Variants in VRK2 observed in about 807,000 individuals in gnomAD.
VRK2 encodes serine/threonine-protein kinase VRK2.
VRK2 carries 60 observed loss-of-function variants against 57.6 expected under a neutral mutation model. The ratio of observed to expected loss-of-function variants is 1.04; its 90% CI spans 0.85 to 1.29. The LOEUF (loss-of-function observed/expected upper bound fraction) is 1.29, where lower values mean the gene tolerates loss of function less well. Ranked by LOEUF, VRK2 falls within the 50% of genes most tolerant of loss-of-function variation. The pLI, the probability that VRK2 is intolerant of heterozygous loss-of-function variation, is 0.00. For missense variants in VRK2, 705 were observed against 588.1 expected (o/e 1.20, Z -2.06); for synonymous variants, 231 against 199.2 (o/e 1.16, Z -1.35).
chr2:58,092,828 G>A (rs1672566066), intron 7 of VRK2, among the ~76,000 whole-genome samples: 1 of 152,018 alleles, frequency 6.6e-6, no homozygotes, highest in African/African-American at 2.4e-5. Context: ...CCGACCCCAT[G>A]ACAGGCCCCG....
intron 12 of VRK2, among the ~76,000 whole-genome samples, chr2:58,149,442 AG>A (rs1682665670): frequency 6.6e-6 from 1 of 151,752 alleles, no homozygotes; most frequent in Non-Finnish European, 1.5e-5. Flanking sequence ...TTTTTTAAAT[AG>A]ATTCTTAGGA....
intron 1 of VRK2, among the ~76,000 whole-genome samples, chr2:57,936,532 T>TTTTTTTTTTTTTTTTTGG (rs1558502214): frequency 8.3e-6 from 1 of 120,386 alleles, no homozygotes; most frequent in African/African-American, 3.7e-5. Flanking sequence ...TGTTTTTTTG[T>TTTTTTTTTTTTTTTTTGG]TTTTTTTTTT....
intron 12 of VRK2, among the ~76,000 whole-genome samples, chr2:58,155,060 T>C (rs1163331767): frequency 6.6e-6 from 1 of 152,192 alleles, no homozygotes; most frequent in East Asian, 1.9e-4. Flanking sequence ...GTCTGCCTGG[T>C]TGAATGTTCC....
intron 7 of VRK2, among the ~76,000 whole-genome samples, chr2:58,117,800 G>A (rs987032987): frequency 6.6e-6 from 1 of 152,098 alleles, no homozygotes; most frequent in Non-Finnish European, 1.5e-5. Context: ...AGTGAAAGTT[G>A]GAGAGGTTTT....
intron 7 of VRK2, among the ~76,000 whole-genome samples, chr2:58,106,492 T>C (rs1012151854): frequency 3.9e-5 from 6 of 152,072 alleles, no homozygotes; most frequent in African/African-American, 1.4e-4. Flanking sequence ...TATGGCAGTA[T>C]TTAAGGCAGT....
At chr2:57,996,452 A>C (rs966850250) in intron 1 of VRK2, among the ~76,000 whole-genome samples, 8 of 152,218 alleles carry the variant, frequency 5.3e-5, no homozygotes, top group African/African-American at 1.9e-4. Context: ...GGCTCCTCTA[A>C]TGATTGCACT....
chr2:58,019,948 G>T (rs928865938), intron 1 of VRK2, among the ~76,000 whole-genome samples: 2 of 152,056 alleles, frequency 1.3e-5, no homozygotes, highest in Admixed American at 1.3e-4. Flanking sequence ...GATTTAAAAG[G>T]AGCATTAAAA....
chr2:58,026,415 G>C (rs149715064), intron 2 of VRK2, among the ~76,000 whole-genome samples: 69 of 152,178 alleles, frequency 4.5e-4, no homozygotes, highest in African/African-American at 1.3e-3. Flanking sequence ...GTTTAACTAA[G>C]AAAAGTTAAT....
intron 9 of VRK2, among the ~76,000 whole-genome samples, chr2:58,134,257 T>G (rs1679642338): frequency 6.6e-6 from 1 of 152,138 alleles, no homozygotes; most frequent in Non-Finnish European, 1.5e-5. Flanking sequence ...CCTTCTCCCT[T>G]TAAGACCCTC....
chr2:58,123,932 A>G (rs1677913708), intron 8 of VRK2, among the ~76,000 whole-genome samples: 2 of 152,116 alleles, frequency 1.3e-5, no homozygotes, highest in Non-Finnish European at 1.5e-5. Flanking sequence ...TAGAAGATAC[A>G]TCTCTCAGCA....
chr2:58,146,384 C>G lies in VRK2; in HGVS notation c.1092C>G (p.Val364=). The change falls in exon 12 of 13, where the codon GTC becomes GTG. Residue 364 remains valine (V), a synonymous_variant. Coordinates refer to ENST00000340157, the MANE Select transcript of VRK2 (RefSeq NM_006296.7). ...KAHNRLIEKK[V]HSERSAESCA... ...ACAATAGGTTAATCGAAAAAAAAGT[C>G]CACAGTGAGAGAAGCGCTGAGTCCT... is the stretch of plus-strand genomic sequence containing the variant. The G allele has an allele frequency of 6.2e-7, 1 of 1,611,598 alleles. No homozygotes were observed. The highest frequency in any genetic ancestry group is 1.1e-5 in the South Asian group (1 of 90,980).
chr2:58,137,202 C>CATATATGATACATA (rs1680549626), intron 10 of VRK2, among the ~76,000 whole-genome samples: 13 of 27,328 alleles, frequency 4.8e-4, no homozygotes, highest in African/African-American at 6.8e-4. Flanking sequence ...ACATATATAT[C>CATATATGATACATA]TCATATATGA....
At chr2:58,042,760 T>C (rs921206730), upstream of VRK2, among the ~76,000 whole-genome samples, 3 of 152,226 alleles carry the variant, frequency 2.0e-5, no homozygotes, top group Non-Finnish European at 2.9e-5. Context: ...GAATCATTCA[T>C]AGCCTGTAAG....
At chr2:58,156,528 A>G (rs891241610) in intron 12 of VRK2, among the ~76,000 whole-genome samples, 1 of 151,902 alleles carries the variant, frequency 6.6e-6, no homozygotes, top group Non-Finnish European at 1.5e-5. Context: ...CTAAATAACT[A>G]TTTTTTTAAA....
intron 1 of VRK2, among the ~76,000 whole-genome samples, chr2:57,916,336 G>C (rs1217307980): frequency 6.6e-6 from 1 of 151,220 alleles, no homozygotes; most frequent in African/African-American, 2.4e-5. Flanking sequence ...AACCTGGGAG[G>C]CTGAGGTTGC....
chr2:58,013,752 G>A (rs1023550534), intron 1 of VRK2, among the ~76,000 whole-genome samples: 7 of 150,936 alleles, frequency 4.6e-5, no homozygotes, highest in African/African-American at 1.7e-4. Context: ...CCAGCTACTC[G>A]GGAGGCTGAG....
chr2:58,075,657 G>C (rs1669998278), intron 2 of VRK2, among the ~76,000 whole-genome samples: 1 of 151,974 alleles, frequency 6.6e-6, no homozygotes. Context: ...TTTTTGGTGG[G>C]GGGCCTATGC....
At chr2:58,038,224 G>A (rs1296391591) in intron 3 of VRK2, among the ~76,000 whole-genome samples, 1 of 152,096 alleles carries the variant, frequency 6.6e-6, no homozygotes, top group Non-Finnish European at 1.5e-5. Context: ...GTGATAGTGA[G>A]TGAGTTCTCA....
At chr2:58,158,417 T>C (rs1684346451) in intron 12 of VRK2, among the ~76,000 whole-genome samples, 2 of 152,288 alleles carry the variant, frequency 1.3e-5, no homozygotes, top group African/African-American at 4.8e-5. Flanking sequence ...TTGTTTTATG[T>C]AGGACTCCTT....
Sources: allele counts gnomAD v4.1 joint callset (sites outside exome capture counted in the v4.1 genomes callset), GRCh38; gene constraint gnomAD v4.1.1; transcripts MANE v1.5; gene names NCBI Gene and HGNC (gene_info 2026-07-23, HGNC 2026-07-21).